The following EBF3 variants were observed in gnomAD, a reference collection of about 807,000 sequenced individuals.
The protein encoded by EBF3 is EBF transcription factor 3, also known as transcription factor COE3.
In EBF3, 18 loss-of-function variants were observed where a neutral mutation model predicts 77.1. The ratio of observed to expected loss-of-function variants is 0.23; its 90% CI spans 0.16 to 0.35. The LOEUF is 0.35. Among genes scored for constraint, EBF3 ranks in the 10% least tolerant of loss-of-function variants. The pLI is 1.00. For missense variants in EBF3, 558 were observed against 860.0 expected (o/e 0.65, Z 4.39); for synonymous variants, 350 against 343.5 (o/e 1.02, Z -0.21).
chr10:129,844,506 C>G (rs920960935), intron 11 of EBF3, among the ~76,000 whole-genome samples: 60 of 152,284 alleles, frequency 3.9e-4, no homozygotes, highest in African/African-American at 1.3e-3. Context: ...ACTGTTAAAT[C>G]TGTGTTACAT....
chr10:129,920,536 C>T (rs907688980), intron 6 of EBF3, among the ~76,000 whole-genome samples: 4 of 152,322 alleles, frequency 2.6e-5, no homozygotes, highest in South Asian at 2.1e-4. Context: ...CCAGCTGGGG[C>T]GCTAGCATGG....
At chr10:129,868,977 C>G (rs1852224432) in intron 8 of EBF3, among the ~76,000 whole-genome samples, 2 of 152,218 alleles carry the variant, frequency 1.3e-5, no homozygotes. Flanking sequence ...ACTACTCTAC[C>G]CTTTAGGTGA....
chr10:129,930,267 G>A (rs1856915140), intron 6 of EBF3, among the ~76,000 whole-genome samples: 1 of 152,320 alleles, frequency 6.6e-6, no homozygotes, highest in South Asian at 2.1e-4. Flanking sequence ...TCTGTCATGG[G>A]ACTTCTCAGC....
At chr10:129,874,836 C>G (rs1227339560) in intron 7 of EBF3, among the ~76,000 whole-genome samples, 2 of 152,150 alleles carry the variant, frequency 1.3e-5, no homozygotes, top group Non-Finnish European at 2.9e-5. Flanking sequence ...GCCAAGGCCA[C>G]CATAGGCCTT....
intron 6 of EBF3, among the ~76,000 whole-genome samples, chr10:129,884,122 C>T (rs565621482): frequency 1.3e-5 from 2 of 152,258 alleles, no homozygotes; most frequent in African/African-American, 4.8e-5. Context: ...AGTGCTTCCT[C>T]GAGGTCCCTG....
intron 6 of EBF3, among the ~76,000 whole-genome samples, chr10:129,951,543 G>C (rs1324223311): frequency 6.6e-6 from 1 of 152,258 alleles, no homozygotes; most frequent in Non-Finnish European, 1.5e-5. Context: ...GGAGAGTGAT[G>C]CGGAAGTCAT....
At chr10:129,913,168 C>T (rs888783623) in intron 6 of EBF3, among the ~76,000 whole-genome samples, 12 of 152,236 alleles carry the variant, frequency 7.9e-5, no homozygotes, top group Non-Finnish European at 1.5e-5. Context: ...ATTAGAAGGG[C>T]CTTGTTAGGG....
chr10:129,909,707 G>A (rs932168009), intron 6 of EBF3, among the ~76,000 whole-genome samples: 2 of 152,158 alleles, frequency 1.3e-5, no homozygotes, highest in African/African-American at 4.8e-5. Context: ...CCCCATCCAA[G>A]CCTGCGAACC....
intron 6 of EBF3, among the ~76,000 whole-genome samples, chr10:129,903,778 C>A (rs2134255415): frequency 6.6e-6 from 1 of 152,232 alleles, no homozygotes; most frequent in Admixed American, 6.5e-5. Context: ...TGACCCCAGG[C>A]AGTCATTTGG....
chr10:129,908,646 T>G (rs1855308148), intron 6 of EBF3, among the ~76,000 whole-genome samples: 1 of 152,246 alleles, frequency 6.6e-6, no homozygotes, highest in Admixed American at 6.5e-5. Context: ...AGCTAATTGA[T>G]AAGCCGCGTT....
intron 6 of EBF3, among the ~76,000 whole-genome samples, chr10:129,902,450 C>T (rs928344175): frequency 6.6e-6 from 1 of 151,940 alleles, no homozygotes; most frequent in Non-Finnish European, 1.5e-5. Context: ...GGTTCAGAAG[C>T]ATGGCACGCT....
intron 6 of EBF3, among the ~76,000 whole-genome samples, chr10:129,903,913 C>T (rs550744720): frequency 4.6e-4 from 70 of 152,202 alleles, no homozygotes; most frequent in Non-Finnish European, 8.8e-4. Context: ...CAGTGAAGTC[C>T]CCTCTCCTTC....
intron 10 of EBF3, among the ~76,000 whole-genome samples, chr10:129,862,736 G>A (rs758676344): frequency 6.6e-6 from 1 of 152,174 alleles, no homozygotes; most frequent in Non-Finnish European, 1.5e-5. Flanking sequence ...AGTTTCCTCA[G>A]TAACATAATT....
intron 6 of EBF3, among the ~76,000 whole-genome samples, chr10:129,910,944 G>A (rs546829440): frequency 6.6e-6 from 1 of 152,288 alleles, no homozygotes; most frequent in South Asian, 2.1e-4. Context: ...CATGGCCGAA[G>A]CTGCTAATGA....
chr10:129,853,942 G>A (rs930295756), intron 10 of EBF3, among the ~76,000 whole-genome samples: 8 of 152,180 alleles, frequency 5.3e-5, no homozygotes, highest in South Asian at 2.1e-4. Context: ...AAATGATTGT[G>A]CGGTGAAGAA....
chr10:129,925,704 A>C (rs1407721177), intron 6 of EBF3, among the ~76,000 whole-genome samples: 1 of 152,088 alleles, frequency 6.6e-6, no homozygotes, highest in Admixed American at 6.6e-5. Flanking sequence ...ACAATGATAA[A>C]TTTTATGTTA....
intron 6 of EBF3, among the ~76,000 whole-genome samples, chr10:129,942,425 A>G (rs556740471): frequency 2.6e-5 from 4 of 152,348 alleles, no homozygotes; most frequent in Non-Finnish European, 5.9e-5. Context: ...AATGCCAAAC[A>G]AAACAAAAGC....
intron 10 of EBF3, among the ~76,000 whole-genome samples, chr10:129,856,916 T>C (rs1230141840): frequency 6.6e-6 from 1 of 152,214 alleles, no homozygotes; most frequent in Non-Finnish European, 1.5e-5. Flanking sequence ...GCTCCATCTG[T>C]ACTAAGGAAA....
At chr10:129,942,332 A>G (rs1589919069) in intron 6 of EBF3, among the ~76,000 whole-genome samples, 1 of 152,334 alleles carries the variant, frequency 6.6e-6, no homozygotes, top group South Asian at 2.1e-4. Flanking sequence ...TATAAGATGC[A>G]TTGACAAAAA....
Sources: gnomAD v4.1 joint callset for allele counts (sites outside exome capture counted in the v4.1 genomes callset) on GRCh38, gnomAD v4.1.1 for gene constraint, MANE v1.5 for transcripts, NCBI Gene and HGNC (gene_info 2026-07-23, HGNC 2026-07-21) for gene names.